Variants in CREB5 observed in about 807,000 individuals in gnomAD.
CREB5 encodes the protein cyclic AMP-responsive element-binding protein 5.
CREB5 carries 19 observed loss-of-function variants against 57.1 expected under a neutral mutation model. That is an observed-to-expected ratio of 0.33 (90% CI 0.23 to 0.49). The LOEUF (loss-of-function observed/expected upper bound fraction) is 0.49. CREB5 is among the 20% of genes least tolerant of loss of function. The pLI, the probability that CREB5 is intolerant of heterozygous loss-of-function variation, is 0.99. For missense variants in CREB5, 579 were observed against 671.6 expected (o/e 0.86, Z 1.52); for synonymous variants, 238 against 238.3 (o/e 1.00, Z 0.01).
intron 1 of CREB5, among the ~76,000 whole-genome samples, chr7:28,480,025 T>C (rs867803129): frequency 1.5e-4 from 23 of 149,180 alleles, no homozygotes; most frequent in African/African-American, 3.7e-4. Flanking sequence ...ATCCAAAACC[T>C]CCCCCCCCCC....
In CREB5 at chr7:28,507,758, G is replaced by A. The variant is rs371067938; in HGVS notation, c.291+21G>A. 10 of 1,580,284 alleles carry A rather than the reference G, an allele frequency of 6.3e-6. No homozygotes were observed. In the African/African-American group the frequency reaches 6.7e-5, roughly 11 times the overall value. On this transcript the variant is annotated intron_variant, in intron 4 of 10. Coordinates refer to ENST00000357727, the MANE Select transcript of CREB5 (RefSeq NM_182898.4). ...AGCGGGTAGGTTTGCTTGGATGGCC[G>A]CCTTGAGAGGTGTCCTGCTAGAAAC... is the stretch of plus-strand genomic sequence containing the variant.
chr7:28,329,961 G>A (rs1785682872), intron 1 of CREB5, among the ~76,000 whole-genome samples: 2 of 152,178 alleles, frequency 1.3e-5, no homozygotes, highest in South Asian at 4.1e-4. Context: ...CTTAAGGATG[G>A]AATAATTTGA....
At chr7:28,423,721 A>G (rs879627018) in intron 1 of CREB5, among the ~76,000 whole-genome samples, 3 of 152,168 alleles carry the variant, frequency 2.0e-5, no homozygotes, top group Admixed American at 1.3e-4. Context: ...GAGAACAGAA[A>G]ATGGCTGTGA....
intron 5 of CREB5, among the ~76,000 whole-genome samples, chr7:28,693,418 T>G (rs900745020): frequency 1.3e-5 from 2 of 152,256 alleles, no homozygotes; most frequent in Admixed American, 6.5e-5. Context: ...TGCACCCATG[T>G]GCTGACACGG....
At chr7:28,317,428 C>A (rs935696315) in intron 1 of CREB5, among the ~76,000 whole-genome samples, 1 of 152,212 alleles carries the variant, frequency 6.6e-6, no homozygotes, top group Non-Finnish European at 1.5e-5. Flanking sequence ...TTTGAGTGGG[C>A]AGGGGAAGAG....
chr7:28,699,405 A>G (rs1032947195), intron 5 of CREB5, among the ~76,000 whole-genome samples: 2 of 152,172 alleles, frequency 1.3e-5, no homozygotes, highest in Non-Finnish European at 2.9e-5. Flanking sequence ...GGACAAATCT[A>G]TTTATTATCT....
intron 1 of CREB5, among the ~76,000 whole-genome samples, chr7:28,350,127 A>T (rs1786158523): frequency 6.6e-6 from 1 of 152,242 alleles, no homozygotes; most frequent in Non-Finnish European, 1.5e-5. Flanking sequence ...TTTGTCTTTC[A>T]GAGTCAAAAT....
rs146282033 is a variant in CREB5 at position 28,662,492 on chromosome 7, G to A, written c.465-56261G>A. 9.4e-3 allele frequency among the ~76,000 whole-genome samples: 1,436 copies of A among 152,314 alleles called. 15 individuals are homozygous for A. Among genetic ancestry groups the A allele is most frequent in the Middle Eastern group, 0.017 (5 of 294 alleles). ...TTAAACTTGGCCCGCTCAAACCCGTGCAGTGCAGGGTTGTTGATTTTTGCT... is the reference window on the plus strand; with the variant it reads ...TTAAACTTGGCCCGCTCAAACCCGTACAGTGCAGGGTTGTTGATTTTTGCT... On this transcript the variant is annotated intron_variant, in intron 5 of 10. Transcript: ENST00000357727.
At chr7:28,399,312 A>G (rs1157650930) in intron 1 of CREB5, among the ~76,000 whole-genome samples, 1 of 152,056 alleles carries the variant, frequency 6.6e-6, no homozygotes, top group Non-Finnish European at 1.5e-5. Flanking sequence ...AAGTGATAGG[A>G]AAATGGCTTC....
At chr7:28,415,968 T>C (rs995425970) in intron 1 of CREB5, among the ~76,000 whole-genome samples, 2 of 152,186 alleles carry the variant, frequency 1.3e-5, no homozygotes, top group African/African-American at 4.8e-5. Context: ...AGTATGTTCT[T>C]TGAGGTTTGA....
intron 5 of CREB5, among the ~76,000 whole-genome samples, chr7:28,590,927 G>C (rs1796488963): frequency 6.6e-6 from 1 of 152,146 alleles, no homozygotes; most frequent in Non-Finnish European, 1.5e-5. Context: ...TCAATGTGTG[G>C]TTAGGAGTAA....
At chr7:28,737,538 CGTATAT>C (rs1252024368) in intron 7 of CREB5, among the ~76,000 whole-genome samples, 1,458 of 47,780 alleles carry the variant, frequency 0.031, 50 homozygotes, top group South Asian at 0.076. Context: ...TATATATATA[CGTATAT>C]ATATATATAT....
At chr7:28,762,918 C>A (rs1355270291) in intron 7 of CREB5, among the ~76,000 whole-genome samples, 1 of 152,102 alleles carries the variant, frequency 6.6e-6, no homozygotes, top group East Asian at 1.9e-4. Context: ...AGAATAAATA[C>A]AGTGTCCCAA....
chr7:28,363,706 G>A (rs1186903817), intron 1 of CREB5, among the ~76,000 whole-genome samples: 1 of 152,140 alleles, frequency 6.6e-6, no homozygotes, highest in Non-Finnish European at 1.5e-5. Context: ...TGCCATTGAA[G>A]AAGAAGGATA....
At chr7:28,645,999 C>T (rs565248631) in intron 5 of CREB5, among the ~76,000 whole-genome samples, 127 of 152,296 alleles carry the variant, frequency 8.3e-4, no homozygotes, top group African/African-American at 3.0e-3. Context: ...TTCTGGTTCT[C>T]AGGTCTTGGA....
At chr7:28,776,076 G>A (rs545019392) in intron 7 of CREB5, among the ~76,000 whole-genome samples, 6 of 152,040 alleles carry the variant, frequency 3.9e-5, no homozygotes, top group African/African-American at 1.4e-4. Flanking sequence ...AGTGGCTCAC[G>A]CCTGTAATCT....
chr7:28,652,772 G>C (rs1370977702), intron 5 of CREB5, among the ~76,000 whole-genome samples: 1 of 152,204 alleles, frequency 6.6e-6, no homozygotes, highest in Admixed American at 6.5e-5. Flanking sequence ...GGTGCCTGTT[G>C]CTAATGGGTG....
At chr7:28,561,005 CGTGT>C (rs1375240061) in intron 4 of CREB5, among the ~76,000 whole-genome samples, 2 of 26,916 alleles carry the variant, frequency 7.4e-5, no homozygotes, top group African/African-American at 1.3e-4. Context: ...CCTGCGTGTG[CGTGT>C]GTGTGTGCGT....
chr7:28,473,437 T>C (rs1234773459), intron 1 of CREB5, among the ~76,000 whole-genome samples: 4 of 152,242 alleles, frequency 2.6e-5, no homozygotes, highest in African/African-American at 7.2e-5. Context: ...GTCACTTTTT[T>C]GATTTCTGTG....
Sources: gnomAD v4.1 joint callset for allele counts (sites outside exome capture counted in the v4.1 genomes callset) on GRCh38, gnomAD v4.1.1 for gene constraint, MANE v1.5 for transcripts, NCBI Gene and HGNC (gene_info 2026-07-23, HGNC 2026-07-21) for gene names.